DHRS7C: variants seen among roughly 807,000 people sequenced by gnomAD.
DHRS7C encodes the protein dehydrogenase/reductase SDR family member 7C.
In DHRS7C, 28 loss-of-function variants were observed where a neutral mutation model predicts 29.6. The ratio of observed to expected loss-of-function variants is 0.95; its 90% CI spans 0.70 to 1.30. DHRS7C has a LOEUF of 1.30. Among genes scored for constraint, DHRS7C ranks in the 50% most tolerant of loss-of-function variants. The pLI, the probability that DHRS7C is intolerant of heterozygous loss-of-function variation, is 0.00. For synonymous variants in DHRS7C, 158 were observed against 160.2 expected (o/e 0.99, Z 0.10); for missense variants, 403 against 393.3 (o/e 1.02, Z -0.21).
At chr17:9,781,958 T>A (rs2066395768) in intron 1 of DHRS7C, among the ~76,000 whole-genome samples, 1 of 152,210 alleles carries the variant, frequency 6.6e-6, no homozygotes, top group African/African-American at 2.4e-5. Context: ...CAAACCACCA[T>A]GTTTTTTCAA....
At chr17:9,772,294 A>G (rs79914241) in intron 5 of DHRS7C, among the ~76,000 whole-genome samples, 1,679 of 152,244 alleles carry the variant, frequency 0.011, 40 homozygotes, top group African/African-American at 0.038. Context: ...AATAATAGCA[A>G]TACCTATCTC....
rs1597933800 is a variant in DHRS7C, at chr17:9,791,399, C to T, written c.-115G>A. ...GCAGGGAGCTCAGCTCTGTGCAAGC[C>T]TCCAAGCTGAACACCCAGTGGGCGT... On this transcript the variant is annotated 5_prime_UTR_variant, in exon 1 of 6. Transcript: ENST00000571134. 3 of 1,209,860 alleles carry T rather than the reference C, an allele frequency of 2.5e-6. No homozygotes were observed. Among genetic ancestry groups the T allele is most frequent in the East Asian group, 5.2e-5 (2 of 38,730 alleles). The allele number at this position is 1,209,860 out of a possible 1,614,324, so 74.9% of individuals were successfully genotyped here. A position where few individuals can be genotyped will look rare whatever the true frequency, so the allele number is the denominator to read the frequency against.
rs374278019 is a variant in DHRS7C, at chr17:9,777,198, G to T, written c.566C>A (p.Thr189Lys). 3.1e-6 allele frequency: 5 copies of T among 1,612,366 alleles called. No homozygotes were observed. Among genetic ancestry groups the T allele is most frequent in the Non-Finnish European group, 3.4e-6 (4 of 1,178,940 alleles). Residue 189 changes from threonine (T) to lysine (K), a missense_variant, in exon 4 of 6, where the codon ACG becomes AAG. Coordinates refer to ENST00000571134, the MANE Select transcript of DHRS7C (RefSeq NM_001105571.3). ...IQGKFGIPFR[T>K]TYAASKHAAL... is the part of the protein sequence containing the mutation. ...TTTTTATCTTAGCAACTTACAAGTC[G>T]TACGGAACGGGATTCCAAACTTCCC...
In DHRS7C at chr17:9,774,031, C is replaced by A. The variant is rs775517439; in HGVS notation, c.572-1109G>T. 6.6e-6 allele frequency among the ~76,000 whole-genome samples: 1 copy of A among 152,166 alleles called. No individual in the cohort carries two copies. The highest frequency in any genetic ancestry group is 1.5e-5 in the Non-Finnish European group (1 of 68,038). Reference sequence around the variant, plus strand: ...AGCCACCACGCCCAGCAAAACCATGCACTTTAAACGGATACATTGTGCGGT... The same window carrying A: ...AGCCACCACGCCCAGCAAAACCATGAACTTTAAACGGATACATTGTGCGGT... On this transcript the variant is annotated intron_variant, in intron 4 of 5. Coordinates refer to ENST00000571134, the MANE Select transcript of DHRS7C (RefSeq NM_001105571.3). This position sits in a 1 kb window ranked among gnomAD's most constrained non-coding sequence, Gnocchi z 5.0.
chr17:9,781,939 T>C (rs1241380470), intron 1 of DHRS7C, among the ~76,000 whole-genome samples: 2 of 152,226 alleles, frequency 1.3e-5, no homozygotes, highest in Non-Finnish European at 2.9e-5. Flanking sequence ...AATCTAAAGA[T>C]AATGGAGACA....
At chr17:9,786,574 G>A (rs2066425446) in intron 1 of DHRS7C, among the ~76,000 whole-genome samples, 1 of 151,244 alleles carries the variant, frequency 6.6e-6, no homozygotes. Flanking sequence ...GGTTCTACGT[G>A]TGTTTTGTGT....
intron 4 of DHRS7C, 61 bp from the exon 5 acceptor site, chr17:9,772,983 C>A: frequency 1.3e-6 from 2 of 1,587,482 alleles, no homozygotes; most frequent in South Asian, 1.1e-5. Flanking sequence ...TCCTGGTGGG[C>A]GCATTGGAGG....
At position 9,772,926 on chromosome 17, in the gene DHRS7C, C is replaced by A. The variant is rs1239026540; in HGVS notation, c.572-4G>T. Reference sequence around the variant, plus strand: ...GCTGCGTGCTTGGAGGCAGCGTCTGCGAGACAAACCATCCGGAGGTGGGCG... The same window carrying A: ...GCTGCGTGCTTGGAGGCAGCGTCTGAGAGACAAACCATCCGGAGGTGGGCG... On this transcript the variant is annotated splice_region_variant and splice_polypyrimidine_tract_variant and intron_variant, in intron 4 of 5. Transcript: ENST00000571134. 6.2e-7 allele frequency: 1 copy of A among 1,613,180 alleles called. No homozygotes were observed. Among genetic ancestry groups the A allele is most frequent in the Non-Finnish European group, 8.5e-7 (1 of 1,179,752 alleles).
intron 4 of DHRS7C, among the ~76,000 whole-genome samples, chr17:9,776,054 T>C (rs1207671700): frequency 6.6e-6 from 1 of 152,064 alleles, no homozygotes; most frequent in Non-Finnish European, 1.5e-5. Flanking sequence ...AATACAAAAA[T>C]TAGCTGGGTG....
intron 1 of DHRS7C, among the ~76,000 whole-genome samples, chr17:9,790,330 G>A (rs2066447796): frequency 6.6e-6 from 1 of 152,202 alleles, no homozygotes; most frequent in African/African-American, 2.4e-5. Flanking sequence ...ATATAAAGTT[G>A]TACTACCATT....
At chr17:9,788,951 C>T (rs143761268) in intron 1 of DHRS7C, among the ~76,000 whole-genome samples, 16 of 152,244 alleles carry the variant, frequency 1.1e-4, no homozygotes, top group Middle Eastern at 3.4e-3. Flanking sequence ...ACAGTAGACA[C>T]GACAAGCTAG....
chr17:9,780,107 T>A, intron 2 of DHRS7C, 72 bp from the exon 3 acceptor site: 1 of 1,318,084 alleles, frequency 7.6e-7, no homozygotes. Context: ...GAGCCCTCGA[T>A]CTAAAAGCCA....
In DHRS7C at chr17:9,772,888, A is replaced by C; in HGVS notation, c.606T>G (p.Phe202Leu). Residue 202 changes from phenylalanine (F) to leucine (L), a missense_variant, in exon 5 of 6, where the codon TTT (phenylalanine) becomes TTG (leucine). Physicochemically the swap from Phe to Leu is conservative, Grantham distance 22. Coordinates refer to ENST00000571134, the MANE Select transcript of DHRS7C (RefSeq NM_001105571.3). ...CCTCCACTTCGGCTCGGAGGCAGTC[A>C]AAGAAGCCCAGGGCTGCGTGCTTGG... is the stretch of plus-strand genomic sequence containing the variant. ...AASKHAALGF[F>L]DCLRAEVEEY... The C allele has an allele frequency of 1.2e-6, 2 of 1,613,902 alleles. No individual in the cohort carries two copies. Among genetic ancestry groups the C allele is most frequent in the Non-Finnish European group, 1.7e-6 (2 of 1,179,880 alleles).
chr17:9,781,407 A>G, intron 2 of DHRS7C, 75 bp downstream of exon 2: 5 of 1,405,472 alleles, frequency 3.6e-6, no homozygotes, highest in Non-Finnish European at 5.0e-6. Context: ...ACTTGGTCCA[A>G]GAGCTGGTCC....
chr17:9,786,587 T>G (rs2066425498), intron 1 of DHRS7C, among the ~76,000 whole-genome samples: 1 of 148,654 alleles, frequency 6.7e-6, no homozygotes, highest in Non-Finnish European at 1.5e-5. Flanking sequence ...TTTTGTGTTC[T>G]TTTTACTTAA....
At chr17:9,789,503 G>C (rs1290453862) in intron 1 of DHRS7C, among the ~76,000 whole-genome samples, 1 of 152,152 alleles carries the variant, frequency 6.6e-6, no homozygotes, top group African/African-American at 2.4e-5. Context: ...ACAGGCTCCA[G>C]CACCAGGAAG....
Position 9,774,316 on chromosome 17 carries a change from G to A in DHRS7C, c.572-1394C>T, listed in dbSNP as rs1244359730. On this transcript the variant is annotated intron_variant, in intron 4 of 5. Coordinates refer to ENST00000571134, the MANE Select transcript of DHRS7C (RefSeq NM_001105571.3). This position sits in a 1 kb window ranked among gnomAD's most constrained non-coding sequence, Gnocchi z 5.0. Reference sequence around the variant, plus strand: ...TTGTTTTGTTTTGAGAGGGAGTCTTGCTCTGTTGTCCGGGCTGGAGTACAG... The same window carrying A: ...TTGTTTTGTTTTGAGAGGGAGTCTTACTCTGTTGTCCGGGCTGGAGTACAG... 6.6e-6 allele frequency among the ~76,000 whole-genome samples: 1 copy of A among 151,876 alleles called. No individual in the cohort carries two copies. The highest frequency in any genetic ancestry group is 1.5e-5 in the Non-Finnish European group (1 of 67,972).
rs1416165216 is a variant in DHRS7C, at chr17:9,771,596, G to C, written c.828C>G (p.Asn276Lys). The change falls in exon 6 of 6, where the codon AAC becomes AAG. Residue 276 changes from asparagine to lysine, a missense_variant. Transcript: ENST00000571134. The stretch of plus-strand genomic sequence containing the variant: ...CGTACACGGCGGCCTTGGGGATGGG[G>C]TTGGCCATAAACACCTCTTGCTTCT... ...RRKKQEVFMA[N>K]PIPKAAVYVR... is the part of the protein sequence containing the mutation. 2.5e-6 allele frequency: 4 copies of C among 1,599,294 alleles called. No individual in the cohort carries two copies. The highest frequency in any genetic ancestry group is 1.7e-5 in the Admixed American group (1 of 58,334).
intron 2 of DHRS7C, among the ~76,000 whole-genome samples, 156 bp from the exon 3 acceptor site, chr17:9,780,191 A>T (rs1342422744): frequency 6.6e-6 from 1 of 152,062 alleles, no homozygotes; most frequent in African/African-American, 2.4e-5. Flanking sequence ...TGATTCTGGG[A>T]TGGAGGATAT....
Sources: gnomAD v4.1 joint callset for allele counts (sites outside exome capture counted in the v4.1 genomes callset) on GRCh38, gnomAD v4.1.1 for gene constraint, Gnocchi (gnomAD v3.1) non-coding constraint, MANE v1.5 for transcripts, NCBI Gene and HGNC (gene_info 2026-07-23, HGNC 2026-07-21) for gene names.